The following HSBP1 variants were observed in gnomAD, a reference collection of about 807,000 sequenced individuals.
The protein encoded by HSBP1 is heat shock factor binding protein 1, also known as heat shock factor-binding protein 1.
HSBP1 carries 5 observed loss-of-function variants against 9.6 expected under a neutral mutation model. That is an observed-to-expected ratio of 0.52 (90% confidence interval 0.27 to 1.09). The LOEUF is 1.09. HSBP1 is among the 50% of genes least tolerant of loss of function. The pLI, the probability that HSBP1 is intolerant of heterozygous loss-of-function variation, is 0.11. For missense variants in HSBP1, 121 were observed against 96.3 expected (o/e 1.26, Z -1.07); for synonymous variants, 42 against 33.3 (o/e 1.26, Z -0.90).
chr16:83,810,078 G>C (rs556080812), intron 3 of HSBP1, among the ~76,000 whole-genome samples: 58 of 150,942 alleles, frequency 3.8e-4, no homozygotes, highest in African/African-American at 1.4e-3. Context: ...TATAAAGCCT[G>C]TCACTGGAAG....
chr16:83,810,616 C>G (rs1904580415), intron 3 of HSBP1, among the ~76,000 whole-genome samples: 1 of 149,410 alleles, frequency 6.7e-6, no homozygotes, highest in Non-Finnish European at 1.5e-5. Context: ...GAGGGCAGAT[C>G]AGTTGATGTG....
At chr16:83,808,199 G>A in intron 1 of HSBP1, 78 bp downstream of exon 1, 3 of 1,225,032 alleles carry the variant, frequency 2.4e-6, no homozygotes, top group African/African-American at 1.6e-5. Flanking sequence ...ACAGAGGCGC[G>A]CCCACCGCGG....
chr16:83,808,626 G>A (rs1372321766), intron 1 of HSBP1, 54 bp from the exon 2 acceptor site: 3 of 1,432,076 alleles, frequency 2.1e-6, no homozygotes, highest in Middle Eastern at 3.5e-4. Context: ...CTGATCCCAG[G>A]AAGTTGTCTC....
chr16:83,808,464 C>G, intron 1 of HSBP1: 1 of 582,242 alleles, frequency 1.7e-6, no homozygotes, highest in Non-Finnish European at 3.1e-6. Flanking sequence ...ACCTAAAGAC[C>G]CTGAGCTTTG....
chr16:83,807,999 G>T lies in HSBP1; in HGVS notation c.-78G>T, dbSNP rs1266947008. On this transcript the variant is annotated 5_prime_UTR_variant, in exon 1 of 4. Transcript: ENST00000433866. ...TGCCAGTCTCGTCGCGAGAAGCAGC[G>T]GCCCGGGGCGACTGAGCGGACAAAC... 1.1e-5 allele frequency: 14 copies of T among 1,314,704 alleles called. No homozygotes were observed. The highest frequency in any genetic ancestry group is 2.9e-5 in the East Asian group (1 of 34,406). The allele number at this position is 1,314,704 out of a possible 1,614,324, so 81.4% of individuals were successfully genotyped here. A position where few individuals can be genotyped will look rare whatever the true frequency, so the allele number is the denominator to read the frequency against.
chr16:83,808,575 G>A (rs1171516998), intron 1 of HSBP1, 105 bp from the exon 2 acceptor site: 3 of 818,806 alleles, frequency 3.7e-6, no homozygotes, highest in African/African-American at 1.7e-5. Flanking sequence ...GCTGTCCAGA[G>A]GCAGAAATGG....
chr16:83,809,091 G>C, intron 2 of HSBP1: 2 of 552,028 alleles, frequency 3.6e-6, no homozygotes, highest in East Asian at 5.9e-5. Flanking sequence ...TGAGGTTTAG[G>C]GGTTCCATCA....
At position 83,812,469 on chromosome 16, in the gene HSBP1, A is replaced by G. The variant is rs537078020; in HGVS notation, c.*1051A>G. On this transcript the variant is annotated 3_prime_UTR_variant, in exon 4 of 4. Coordinates refer to ENST00000433866, the MANE Select transcript of HSBP1 (RefSeq NM_001537.4). ...ATGCAGTGCCAGGAGTGCTAAACCT[A>G]GAGGCCAATACTGATGACCTGGAAG... The G allele has an allele frequency of 3.3e-5, 5 of 152,346 alleles. No homozygotes were observed. Among genetic ancestry groups the G allele is most frequent in the African/African-American group, 1.2e-4 (5 of 41,576 alleles). The allele number at this position is 152,346 out of a possible 1,614,324, so 9.4% of individuals were successfully genotyped here.
At chr16:83,808,774 C>T in intron 2 of HSBP1, 28 bp downstream of exon 2, 1 of 1,571,186 alleles carries the variant, frequency 6.4e-7, no homozygotes, top group South Asian at 1.1e-5. Context: ...AGTCGGCCTC[C>T]TGTGGGCCTT....
Position 83,811,561 on chromosome 16 carries a change from G to A in HSBP1, c.*143G>A, listed in dbSNP as rs1904601462. On this transcript the variant is annotated 3_prime_UTR_variant, in exon 4 of 4. Coordinates refer to ENST00000433866, the MANE Select transcript of HSBP1 (RefSeq NM_001537.4). ...TTATCACCTAGTATATAGTTAGTTT[G>A]TAGAGTGATTTCCCCCCAGTTTCTT... The A allele has an allele frequency of 6.6e-6, 1 of 152,176 alleles. No individual in the cohort carries two copies. The highest frequency in any genetic ancestry group is 1.5e-5 in the Non-Finnish European group (1 of 68,024). The allele number at this position is 152,176 out of a possible 1,614,324, so 9.4% of individuals were successfully genotyped here.
rs897509901 is a variant in HSBP1 at position 83,814,960 on chromosome 16, C to T, written c.*3542C>T. 1.3e-5 allele frequency: 2 copies of T among 152,098 alleles called. No homozygotes were observed. Among genetic ancestry groups the T allele is most frequent in the Non-Finnish European group, 1.5e-5 (1 of 68,016 alleles). The allele number at this position is 152,098 out of a possible 1,614,324, so 9.4% of individuals were successfully genotyped here. On this transcript the variant is annotated 3_prime_UTR_variant, in exon 4 of 4. Transcript: ENST00000433866. The stretch of plus-strand genomic sequence containing the variant: ...AACCCGGGGGATAAAAAGACACCCC[C>T]CCGCCACTCCGTGACCTATTAGCTT...
chr16:83,810,680 T>C (rs752622279), intron 3 of HSBP1, among the ~76,000 whole-genome samples: 2 of 151,566 alleles, frequency 1.3e-5, no homozygotes, highest in African/African-American at 4.9e-5. Context: ...GTACAAAAAT[T>C]AGCTGGGTGT....
rs970788889 is a variant in HSBP1 at position 83,814,866 on chromosome 16, C to T, written c.*3448C>T. ...GCACAACCACGGGGAATATGAACCACAGGTTTTCACATTGGTTTTCCATGC... is the reference window on the plus strand; with the variant it reads ...GCACAACCACGGGGAATATGAACCATAGGTTTTCACATTGGTTTTCCATGC... On this transcript the variant is annotated 3_prime_UTR_variant, in exon 4 of 4. Transcript: ENST00000433866. The T allele has an allele frequency of 6.6e-6, 1 of 152,154 alleles. No homozygotes were observed. Among genetic ancestry groups the T allele is most frequent in the Non-Finnish European group, 1.5e-5 (1 of 68,036 alleles). 9.4% of individuals were successfully genotyped at this position (152,154 alleles called of 1,614,324 possible).
rs890416918 is a variant in HSBP1, at chr16:83,819,134, T to C, written c.*7716T>C. 1.3e-5 allele frequency: 2 copies of C among 152,078 alleles called. No individual in the cohort carries two copies. The highest frequency in any genetic ancestry group is 2.9e-5 in the Non-Finnish European group (2 of 67,962). 9.4% of individuals were successfully genotyped at this position (152,078 alleles called of 1,614,324 possible). A position where few individuals can be genotyped will look rare whatever the true frequency, so the allele number is the denominator to read the frequency against. On this transcript the variant is annotated 3_prime_UTR_variant, in exon 4 of 4. Coordinates refer to ENST00000433866, the MANE Select transcript of HSBP1 (RefSeq NM_001537.4). ...GGTTGCCCAACACCCTTTAGTCTAA[T>C]GGCTTTAGGGTCAAATATGTCTAAA... is the stretch of plus-strand genomic sequence containing the variant.
At position 83,818,265 on chromosome 16, in the gene HSBP1, A is replaced by C. The variant is rs1174646241; in HGVS notation, c.*6847A>C. ...TTCCTGGGCCACTCTCATTTTCTCAAACTTGGACAAGTCTTAACAATAATC... is the reference window on the plus strand; with the variant it reads ...TTCCTGGGCCACTCTCATTTTCTCACACTTGGACAAGTCTTAACAATAATC... On this transcript the variant is annotated 3_prime_UTR_variant, in exon 4 of 4. Coordinates refer to ENST00000433866, the MANE Select transcript of HSBP1 (RefSeq NM_001537.4). The C allele has an allele frequency of 6.6e-6, 1 of 152,120 alleles. No homozygotes were observed. Among genetic ancestry groups the C allele is most frequent in the Non-Finnish European group, 1.5e-5 (1 of 68,024 alleles). The allele number at this position is 152,120 out of a possible 1,614,324, so 9.4% of individuals were successfully genotyped here. A position where few individuals can be genotyped will look rare whatever the true frequency, so the allele number is the denominator to read the frequency against.
At chr16:83,808,581 A>T in intron 1 of HSBP1, 99 bp from the exon 2 acceptor site, 1 of 894,530 alleles carries the variant, frequency 1.1e-6, no homozygotes, top group African/African-American at 1.7e-5. Flanking sequence ...CAGAGGCAGA[A>T]ATGGGGCTGG....
At chr16:83,808,776 G>T in intron 2 of HSBP1, 30 bp downstream of exon 2, 1 of 1,561,636 alleles carries the variant, frequency 6.4e-7, no homozygotes, top group Admixed American at 1.7e-5. Flanking sequence ...TCGGCCTCCT[G>T]TGGGCCTTTG....
chr16:83,818,930 A>G lies in HSBP1; in HGVS notation c.*7512A>G, dbSNP rs1181191426. ...TCTTAAAATACGTTCCTGAACCGGC[A>G]GCATCAGAATCCCCTGGGAACGTGC... On this transcript the variant is annotated 3_prime_UTR_variant, in exon 4 of 4. Transcript: ENST00000433866. 6.6e-6 allele frequency: 1 copy of G among 152,226 alleles called. No individual in the cohort carries two copies. Among genetic ancestry groups the G allele is most frequent in the Non-Finnish European group, 1.5e-5 (1 of 68,040 alleles). 9.4% of individuals were successfully genotyped at this position (152,226 alleles called of 1,614,324 possible).
intron 2 of HSBP1, 86 bp downstream of exon 2, chr16:83,808,832 G>T: frequency 1.0e-6 from 1 of 959,544 alleles, no homozygotes; most frequent in South Asian, 1.4e-5. Context: ...GTAGTTTTCA[G>T]GCTAGCTTCA....
Sources: gnomAD v4.1 joint callset for allele counts (sites outside exome capture counted in the v4.1 genomes callset) on GRCh38, gnomAD v4.1.1 for gene constraint, MANE v1.5 for transcripts, NCBI Gene and HGNC (gene_info 2026-07-23, HGNC 2026-07-21) for gene names.